The following RGS7BP variants were observed in gnomAD, a reference collection of about 807,000 sequenced individuals.
RGS7BP encodes the protein regulator of G protein signaling 7-binding protein.
A neutral mutation model predicts 31.3 loss-of-function variants in RGS7BP; 9 were observed. The ratio of observed to expected loss-of-function variants is 0.29; its 90% confidence interval spans 0.17 to 0.50. RGS7BP has a LOEUF of 0.50. Among genes scored for constraint, RGS7BP ranks in the 20% least tolerant of loss-of-function variants. The pLI, the probability that RGS7BP is intolerant of heterozygous loss-of-function variation, is 0.98. For synonymous variants in RGS7BP, 115 were observed against 120.1 expected (o/e 0.96, Z 0.28); for missense variants, 274 against 322.0 (o/e 0.85, Z 1.14).
At chr5:64,552,140 A>G (rs1057150690) in intron 2 of RGS7BP, among the ~76,000 whole-genome samples, 2 of 152,200 alleles carry the variant, frequency 1.3e-5, no homozygotes, top group African/African-American at 2.4e-5. Context: ...TCAACACTCA[A>G]TAAAATATGT....
chr5:64,531,438 C>G (rs1042667483), intron 2 of RGS7BP, among the ~76,000 whole-genome samples: 1 of 152,106 alleles, frequency 6.6e-6, no homozygotes, highest in Non-Finnish European at 1.5e-5. Context: ...AAAACTTGCA[C>G]CTGGGGAGTT....
chr5:64,566,828 G>T (rs1355842557), intron 2 of RGS7BP, among the ~76,000 whole-genome samples: 2 of 151,998 alleles, frequency 1.3e-5, no homozygotes, highest in Non-Finnish European at 2.9e-5. Context: ...TACCTATCCT[G>T]CTTCAGAGCC....
At chr5:64,560,829 T>C (rs1742036357) in intron 2 of RGS7BP, among the ~76,000 whole-genome samples, 1 of 152,154 alleles carries the variant, frequency 6.6e-6, no homozygotes, top group Admixed American at 6.6e-5. Context: ...AGTAAAATGA[T>C]AAGAAGAGGC....
At position 64,506,714 on chromosome 5, in the gene RGS7BP, C is replaced by T. The variant is rs2111861594; in HGVS notation, c.90C>T (p.Ser30=). The change falls in exon 1 of 6, where the codon AGC becomes AGT. Residue 30 remains serine (S), a synonymous_variant. Transcript: ENST00000334025. The surrounding 1 kb of genome is among the most constrained non-coding windows in gnomAD (Gnocchi z 4.6). ...AGATCAGCAAGCCCCCGCTGCAGAG[C>T]GGAGATTGGGAGCGCAGGGGCAGCG... The part of the protein sequence containing the change: ...IFQISKPPLQ[S]GDWERRGSGS... The T allele has an allele frequency of 2.5e-6, 4 of 1,612,916 alleles. No homozygotes were observed. The highest frequency in any genetic ancestry group is 3.4e-6 in the Non-Finnish European group (4 of 1,179,138).
rs376325885 is a variant in RGS7BP at position 64,583,767 on chromosome 5, ATAAC to A, written c.463+7869_463+7872del. Among the ~76,000 whole-genome samples the A allele has an allele frequency of 5.0e-3, 768 of 152,330 alleles. 2 individuals are homozygous for A. The highest frequency in any genetic ancestry group is 0.017 in the African/African-American group (721 of 41,566). ...CATGTAGTGTTTGAAGAATATAAAC[ATAAC>A]TAACTTCTGAAATCCAAGGATAATC... On this transcript the variant is annotated intron_variant, in intron 3 of 5. Transcript: ENST00000334025.
At chr5:64,507,612 C>T (rs995760563) in intron 1 of RGS7BP, 99 bp from the exon 2 acceptor site, 142 of 1,107,834 alleles carry the variant, frequency 1.3e-4, no homozygotes, top group Admixed American at 1.8e-4. Context: ...GGGGAGCTGA[C>T]TCAGGGGTCA....
At position 64,610,778 on chromosome 5, in the gene RGS7BP, A is replaced by T. The variant is rs1278626262; in HGVS notation, c.*1526A>T. ...TATATGTGACTGTTTTGACCTACAA[A>T]ATGGCAATTTCTTATAGTTCACCCT... On this transcript the variant is annotated 3_prime_UTR_variant, in exon 6 of 6. Coordinates refer to ENST00000334025, the MANE Select transcript of RGS7BP (RefSeq NM_001029875.3). The T allele has an allele frequency of 6.6e-6, 1 of 152,018 alleles. No individual in the cohort carries two copies. Among genetic ancestry groups the T allele is most frequent in the African/African-American group, 2.4e-5 (1 of 41,428 alleles). 9.4% of individuals were successfully genotyped at this position (152,018 alleles called of 1,614,324 possible). A position where few individuals can be genotyped will look rare whatever the true frequency, so the allele number is the denominator to read the frequency against.
Position 64,566,999 on chromosome 5 carries a change from A to G in RGS7BP, c.333-8775A>G, listed in dbSNP as rs183201213. Reference sequence around the variant, plus strand: ...TCAGTAGGGAATTTCCCCTACTGAGAACAGATACACTTTAATTTTACCTGT... The same window carrying G: ...TCAGTAGGGAATTTCCCCTACTGAGGACAGATACACTTTAATTTTACCTGT... On this transcript the variant is annotated intron_variant, in intron 2 of 5. Transcript: ENST00000334025. Among the ~76,000 whole-genome samples, 293 of 150,662 alleles carry G rather than the reference A, an allele frequency of 1.9e-3. 1 individual carries two copies. The highest frequency in any genetic ancestry group is 3.0e-3 in the Non-Finnish European group (202 of 67,794).
At chr5:64,513,219 G>A (rs1440635612) in intron 2 of RGS7BP, among the ~76,000 whole-genome samples, 2 of 152,206 alleles carry the variant, frequency 1.3e-5, no homozygotes, top group Non-Finnish European at 2.9e-5. Context: ...CTAGAGCAAT[G>A]TAACGAACAT....
At chr5:64,578,580 C>T (rs1295603482) in intron 3 of RGS7BP, among the ~76,000 whole-genome samples, 2 of 152,168 alleles carry the variant, frequency 1.3e-5, no homozygotes, top group African/African-American at 4.8e-5. Flanking sequence ...AATCACACCC[C>T]ACCCTCCGTA....
intron 2 of RGS7BP, among the ~76,000 whole-genome samples, chr5:64,556,110 A>G (rs531803004): frequency 1.3e-4 from 20 of 152,056 alleles, no homozygotes; most frequent in Admixed American, 6.6e-4. Flanking sequence ...ATATCAATTT[A>G]CTCTTCCATC....
rs113482597 is a variant in RGS7BP at position 64,536,230 on chromosome 5, G to T, written c.332+28353G>T. Among the ~76,000 whole-genome samples, 452 of 152,310 alleles carry T rather than the reference G, an allele frequency of 3.0e-3. 4 individuals carry two copies. Among genetic ancestry groups the T allele is most frequent in the African/African-American group, 0.01 (436 of 41,558 alleles). ...AAGCCCATAGCCGTACCAGTAAAGG[G>T]AAGATATTTCTGATTTCTGTAGACA... On this transcript the variant is annotated intron_variant, in intron 2 of 5. Transcript: ENST00000334025.
chr5:64,555,640 G>C (rs567738138), intron 2 of RGS7BP, among the ~76,000 whole-genome samples: 1 of 152,152 alleles, frequency 6.6e-6, no homozygotes, highest in Admixed American at 6.6e-5. Context: ...GACTTGAGCT[G>C]AAAATGGACA....
intron 5 of RGS7BP, among the ~76,000 whole-genome samples, chr5:64,608,316 C>T (rs1210784814): frequency 2.0e-5 from 3 of 152,032 alleles, no homozygotes; most frequent in Non-Finnish European, 4.4e-5. Flanking sequence ...AATAACCCAA[C>T]TCTTTAAACC....
intron 2 of RGS7BP, among the ~76,000 whole-genome samples, chr5:64,558,997 A>G (rs1741988951): frequency 6.6e-6 from 1 of 152,186 alleles, no homozygotes; most frequent in African/African-American, 2.4e-5. Context: ...ATGCGTGCAC[A>G]GCGGGACACG....
intron 4 of RGS7BP, among the ~76,000 whole-genome samples, chr5:64,595,588 A>G (rs191654669): frequency 3.3e-5 from 5 of 152,266 alleles, no homozygotes; most frequent in African/African-American, 1.2e-4. Flanking sequence ...GCTAAAAATG[A>G]CATTCTGCGA....
At chr5:64,535,254 C>T (rs1749477271) in intron 2 of RGS7BP, among the ~76,000 whole-genome samples, 1 of 152,120 alleles carries the variant, frequency 6.6e-6, no homozygotes, top group South Asian at 2.1e-4. Flanking sequence ...GTACTTATTC[C>T]CTATCCTGAT....
intron 3 of RGS7BP, among the ~76,000 whole-genome samples, chr5:64,580,443 C>G (rs1023458768): frequency 2.6e-5 from 4 of 152,026 alleles, no homozygotes; most frequent in African/African-American, 9.7e-5. Flanking sequence ...TGTATAGGCT[C>G]AAAATGAGCA....
chr5:64,593,531 G>C (rs957195713), intron 3 of RGS7BP, among the ~76,000 whole-genome samples: 26 of 152,220 alleles, frequency 1.7e-4, no homozygotes, highest in African/African-American at 6.3e-4. Flanking sequence ...AACTAGTCTG[G>C]AGTTATATCT....
Sources: allele counts gnomAD v4.1 joint callset (sites outside exome capture counted in the v4.1 genomes callset), GRCh38; gene constraint gnomAD v4.1.1; non-coding constraint Gnocchi (gnomAD v3.1); transcripts MANE v1.5; gene names NCBI Gene and HGNC (gene_info 2026-07-23, HGNC 2026-07-21).